The following ERO1B variants were observed in gnomAD, a reference collection of about 807,000 sequenced individuals.
ERO1B encodes endoplasmic reticulum oxidoreductase 1 beta.
ERO1B carries 49 observed loss-of-function variants against 75.3 expected under a neutral mutation model. The ratio of observed to expected loss-of-function variants is 0.65; its 90% CI spans 0.52 to 0.83. ERO1B has a LOEUF of 0.83. ERO1B is among the 40% of genes least tolerant of loss of function. ERO1B has a pLI of 0.00. For synonymous variants in ERO1B, 191 were observed against 192.9 expected (o/e 0.99, Z 0.08); for missense variants, 512 against 560.1 (o/e 0.91, Z 0.87).
chr1:236,247,284 C>A (rs1664905759), intron 5 of ERO1B, among the ~76,000 whole-genome samples: 1 of 152,194 alleles, frequency 6.6e-6, no homozygotes, highest in African/African-American at 2.4e-5. Context: ...CTTAACAAAT[C>A]CAAATTTGAC....
At chr1:236,271,422 T>C (rs1353648181) in intron 1 of ERO1B, among the ~76,000 whole-genome samples, 3 of 152,200 alleles carry the variant, frequency 2.0e-5, no homozygotes, top group African/African-American at 4.8e-5. Context: ...ACCAAGAATT[T>C]TGGCTCTAGA....
At chr1:236,281,307 C>CA (rs1452679237) in intron 1 of ERO1B, among the ~76,000 whole-genome samples, 1 of 152,154 alleles carries the variant, frequency 6.6e-6, no homozygotes, top group South Asian at 2.1e-4. Context: ...GGAAGGACGT[C>CA]ACCGTTTCTC....
rs1664538774 is a variant in ERO1B, at chr1:236,236,176, C to T, written c.626+102G>A. On this transcript the variant is annotated intron_variant, in intron 7 of 15. Coordinates refer to ENST00000354619, the MANE Select transcript of ERO1B (RefSeq NM_019891.4). ...TCCTGACCTCAGATGATCCACCCAC[C>T]TTGGCCTCCCAAAGTGCTGGGATTA... 2.1e-6 allele frequency: 3 copies of T among 1,447,538 alleles called. No homozygotes were observed. In the South Asian group the frequency reaches 3.8e-5, roughly 18 times the overall value. The allele number at this position is 1,447,538 out of a possible 1,614,324, so 89.7% of individuals were successfully genotyped here. A position where few individuals can be genotyped will look rare whatever the true frequency, so the allele number is the denominator to read the frequency against.
intron 6 of ERO1B, 89 bp from the exon 7 acceptor site, chr1:236,236,487 T>A: frequency 7.1e-7 from 1 of 1,402,616 alleles, no homozygotes; most frequent in South Asian, 1.3e-5. Context: ...TACTCAAAGG[T>A]AAGAAAAATG....
In ERO1B at chr1:236,275,665, C is replaced by T. The variant is rs1665694740; in HGVS notation, c.103-5671G>A. Among the ~76,000 whole-genome samples the T allele has an allele frequency of 2.0e-5, 3 of 152,248 alleles. No homozygotes were observed. The South Asian group carries it at 6.2e-4, about 32-fold the overall frequency. ...CTAATCACTTGGGTCTTTGTGGTGA[C>T]CAGCCCCCAATCCTGAGGCTATCTA... On this transcript the variant is annotated intron_variant, in intron 1 of 15. Coordinates refer to ENST00000354619, the MANE Select transcript of ERO1B (RefSeq NM_019891.4).
At chr1:236,220,802 C>A in intron 15 of ERO1B, 30 bp downstream of exon 15, 9 of 1,515,194 alleles carry the variant, frequency 5.9e-6, no homozygotes, top group South Asian at 2.8e-5. Context: ...AATGGGAAAT[C>A]AAAAATCTTC....
At chr1:236,245,679 G>A (rs1208342455) in intron 5 of ERO1B, among the ~76,000 whole-genome samples, 1 of 140,868 alleles carries the variant, frequency 7.1e-6, no homozygotes. Context: ...TCCACCTCCT[G>A]GGTTCAAGTG....
intron 5 of ERO1B, among the ~76,000 whole-genome samples, chr1:236,246,602 A>C (rs1558514041): frequency 6.6e-6 from 1 of 152,224 alleles, no homozygotes; most frequent in African/African-American, 2.4e-5. Flanking sequence ...ATGCCCAAAA[A>C]CATGAATGAA....
Position 236,281,927 on chromosome 1 carries a change from G to C in ERO1B, c.-144C>G. 2.2e-6 allele frequency: 1 copy of C among 464,596 alleles called. No homozygotes were observed. Among genetic ancestry groups the C allele is most frequent in the Non-Finnish European group, 3.5e-6 (1 of 284,756 alleles). 28.8% of individuals were successfully genotyped at this position (464,596 alleles called of 1,614,324 possible). A position where few individuals can be genotyped will look rare whatever the true frequency, so the allele number is the denominator to read the frequency against. Reference sequence around the variant, plus strand: ...TCTGCACTCCAGTCCGGAGGCAGGCGACTCTTTCCCCAACACCCGGCAGCT... The same window carrying C: ...TCTGCACTCCAGTCCGGAGGCAGGCCACTCTTTCCCCAACACCCGGCAGCT... On this transcript the variant is annotated 5_prime_UTR_variant, in exon 1 of 16. Coordinates refer to ENST00000354619, the MANE Select transcript of ERO1B (RefSeq NM_019891.4).
chr1:236,233,600 GAAAAA>G (rs59372414), intron 8 of ERO1B, among the ~76,000 whole-genome samples: 3 of 119,586 alleles, frequency 2.5e-5, no homozygotes, highest in Non-Finnish European at 3.7e-5. Context: ...TCTGTCTCAA[GAAAAA>G]AAAAAAAAGA....
At chr1:236,249,562 TAA>T (rs1480901059) in intron 5 of ERO1B, among the ~76,000 whole-genome samples, 3 of 152,164 alleles carry the variant, frequency 2.0e-5, no homozygotes, top group Non-Finnish European at 2.9e-5. Context: ...AATCACTATT[TAA>T]AAAGATTTAG....
intron 4 of ERO1B, 137 bp downstream of exon 4, chr1:236,251,913 G>T: frequency 1.6e-6 from 1 of 641,414 alleles, no homozygotes; most frequent in South Asian, 2.1e-5. Context: ...CAAGAGTTAG[G>T]GATTTGGAAT....
intron 8 of ERO1B, among the ~76,000 whole-genome samples, chr1:236,234,358 T>A (rs1020371587): frequency 6.6e-6 from 1 of 152,176 alleles, no homozygotes; most frequent in Non-Finnish European, 1.5e-5. Flanking sequence ...AGTGAAAAAA[T>A]TGTATTTTCT....
At chr1:236,239,565 C>A (rs1317005486) in intron 6 of ERO1B, among the ~76,000 whole-genome samples, 2 of 151,950 alleles carry the variant, frequency 1.3e-5, no homozygotes, top group African/African-American at 4.8e-5. Flanking sequence ...CCATCCTTAT[C>A]CCTGGGCCAT....
chr1:236,276,256 C>T (rs1665708481), intron 1 of ERO1B, among the ~76,000 whole-genome samples: 1 of 152,178 alleles, frequency 6.6e-6, no homozygotes, highest in African/African-American at 2.4e-5. Context: ...AAGTTGGATA[C>T]ATAGATCTAA....
At position 236,280,247 on chromosome 1, in the gene ERO1B, G is replaced by A. The variant is rs535268868; in HGVS notation, c.102+1435C>T. Among the ~76,000 whole-genome samples, 8 of 152,300 alleles carry A rather than the reference G, an allele frequency of 5.3e-5. No homozygotes were observed. The East Asian group carries it at 1.4e-3, about 26-fold the overall frequency. On this transcript the variant is annotated intron_variant, in intron 1 of 15. Coordinates refer to ENST00000354619, the MANE Select transcript of ERO1B (RefSeq NM_019891.4). ...TAAATTAATATGTGCTATATAAAAA[G>A]AGAAAATGGGAACTCTCATTTCAGA...
chr1:236,258,870 T>C (rs1400989452), intron 2 of ERO1B, among the ~76,000 whole-genome samples: 3 of 152,016 alleles, frequency 2.0e-5, no homozygotes, highest in Non-Finnish European at 2.9e-5. Context: ...GCCTGGGTGA[T>C]AGAGTAAGAC....
At chr1:236,266,579 G>A (rs1312351805) in intron 2 of ERO1B, among the ~76,000 whole-genome samples, 1 of 151,710 alleles carries the variant, frequency 6.6e-6, no homozygotes, top group Non-Finnish European at 1.5e-5. Context: ...ACTCCAGCCT[G>A]GGCAACAGAG....
At chr1:236,275,387 T>C (rs1665688412) in intron 1 of ERO1B, among the ~76,000 whole-genome samples, 1 of 152,152 alleles carries the variant, frequency 6.6e-6, no homozygotes, top group African/African-American at 2.4e-5. Flanking sequence ...GACACTTTAC[T>C]TACAGTTATC....
Sources: gnomAD v4.1 joint callset for allele counts (sites outside exome capture counted in the v4.1 genomes callset) on GRCh38, gnomAD v4.1.1 for gene constraint, MANE v1.5 for transcripts, NCBI Gene and HGNC (gene_info 2026-07-23, HGNC 2026-07-21) for gene names.